Variants in ASMTL observed in about 807,000 individuals in gnomAD.
ASMTL encodes the protein acetylserotonin O-methyltransferase like.
ASMTL carries 57 observed loss-of-function variants against 60.3 expected under a neutral mutation model. The observed-to-expected ratio is 0.95, with a 90% CI of 0.76 to 1.18. The LOEUF (loss-of-function observed/expected upper bound fraction) is 1.18. Among genes scored for constraint, ASMTL ranks in the 50% most tolerant of loss-of-function variants. The pLI is 0.00. For synonymous variants in ASMTL, 419 were observed against 373.0 expected (o/e 1.12, Z -1.42); for missense variants, 981 against 852.6 (o/e 1.15, Z -1.88).
chrX:1,403,612 G>T, intron 12 of ASMTL, 123 bp from the exon 13 acceptor site: 1 of 827,120 alleles, frequency 1.2e-6, no homozygotes, highest in Non-Finnish European at 2.0e-6. Context: ...GAGAACCCTT[G>T]GCCAGGGGGC....
intron 11 of ASMTL, among the ~76,000 whole-genome samples, chrX:1,415,017 G>A (rs1251092124): frequency 2.6e-5 from 4 of 151,030 alleles, no homozygotes; most frequent in East Asian, 3.9e-4. Context: ...CTCGGCTCAC[G>A]GCAAGCTCCG....
At chrX:1,439,407 G>A (rs752641751) in intron 2 of ASMTL, among the ~76,000 whole-genome samples, 13 of 152,302 alleles carry the variant, frequency 8.5e-5, no homozygotes, top group African/African-American at 2.6e-4. Context: ...AGCATCTCAC[G>A]GGCACTACGG....
In ASMTL at chrX:1,403,591, C is replaced by CAGAGG. The variant is rs1454202730; in HGVS notation, c.1646-107_1646-103dup. The CAGAGG allele has an allele frequency of 2.2e-4, 246 of 1,106,820 alleles. 2 individuals are homozygous for CAGAGG. The highest frequency in any genetic ancestry group is 1.9e-3 in the South Asian group (146 of 77,260). 68.6% of individuals were successfully genotyped at this position (1,106,820 alleles called of 1,614,324 possible). ...GGCAACAGGAGCTCAGAACGGTGAG[C>CAGAGG]AGAGGCTGCTGAGAACCCTTGGCCA... On this transcript the variant is annotated intron_variant, in intron 12 of 12. Transcript: ENST00000381317.
At chrX:1,418,789 G>A (rs772504807) in intron 10 of ASMTL, 193 bp downstream of exon 10, 1 of 224,128 alleles carries the variant, frequency 4.5e-6, no homozygotes, top group Non-Finnish European at 7.5e-6. Context: ...TTCTAGGGGG[G>A]CATTTAGGCA....
At chrX:1,432,800 G>C (rs1353714918) in intron 5 of ASMTL, among the ~76,000 whole-genome samples, 15 of 152,232 alleles carry the variant, frequency 9.9e-5, no homozygotes, top group Non-Finnish European at 1.5e-4. Context: ...CTGCATTCCA[G>C]CCTGGGCCAC....
At chrX:1,434,950 C>G in intron 5 of ASMTL, 72 bp downstream of exon 5, 1 of 1,568,180 alleles carries the variant, frequency 6.4e-7, no homozygotes, top group Non-Finnish European at 8.8e-7. Context: ...TCCCTCAAGC[C>G]AAGGGTCCCG....
At chrX:1,418,478 T>C (rs2090380065) in intron 10 of ASMTL, among the ~76,000 whole-genome samples, 1 of 151,478 alleles carries the variant, frequency 6.6e-6, no homozygotes, top group Admixed American at 6.6e-5. Flanking sequence ...GGGGCTGTAC[T>C]CCTCCCTTCT....
chrX:1,407,562 A>C (rs1448818406), intron 12 of ASMTL, among the ~76,000 whole-genome samples: 16 of 151,944 alleles, frequency 1.1e-4, no homozygotes, highest in African/African-American at 3.9e-4. Flanking sequence ...GATAGATAAT[A>C]AATGATAGAC....
chrX:1,431,679 GAATA>G (rs2090793735), intron 6 of ASMTL, among the ~76,000 whole-genome samples: 1 of 145,910 alleles, frequency 6.9e-6, no homozygotes, highest in Admixed American at 6.9e-5. Flanking sequence ...ATAATTAATA[GAATA>G]TATAATGTGG....
At chrX:1,418,956 A>G in intron 10 of ASMTL, 26 bp downstream of exon 10, 3 of 1,611,078 alleles carry the variant, frequency 1.9e-6, no homozygotes, top group Non-Finnish European at 2.5e-6. Flanking sequence ...GAAAGTAAGG[A>G]GAGCCCTGGC....
intron 12 of ASMTL, among the ~76,000 whole-genome samples, chrX:1,408,092 TCGGGAGGC>T: frequency 6.6e-6 from 1 of 151,126 alleles, no homozygotes; most frequent in East Asian, 1.9e-4. Flanking sequence ...TCCCAAATAC[TCGGGAGGC>T]TGAGGCAGGA....
rs369376141 is a variant in ASMTL at position 1,413,445 on chromosome X, G to A, written c.1523-591C>T. 5.3e-5 allele frequency among the ~76,000 whole-genome samples: 8 copies of A among 152,358 alleles called. No homozygotes were observed. The East Asian group carries it at 1.4e-3, about 26-fold the overall frequency. On this transcript the variant is annotated intron_variant, in intron 11 of 12. Transcript: ENST00000381317. The stretch of plus-strand genomic sequence containing the variant: ...GCGTGTGCCAGGGAGAGTCGGGGCC[G>A]CACTGCCGGTGAGTGGGCAATGGCA...
intron 9 of ASMTL, among the ~76,000 whole-genome samples, chrX:1,420,179 C>T (rs1299010834): frequency 1.3e-5 from 2 of 151,878 alleles, no homozygotes; most frequent in East Asian, 1.9e-4. Flanking sequence ...CTGTCTCCGC[C>T]TCCCTCTGTC....
At chrX:1,441,435 C>T (rs2091104723) in intron 2 of ASMTL, among the ~76,000 whole-genome samples, 1 of 152,104 alleles carries the variant, frequency 6.6e-6, no homozygotes, top group Non-Finnish European at 1.5e-5. Context: ...CGCCACCACG[C>T]CCAGCTAATT....
rs750566799 is a variant in ASMTL at position 1,405,487 on chromosome X, A to G, written c.1646-1998T>C. Among the ~76,000 whole-genome samples the G allele has an allele frequency of 1.7e-4, 26 of 151,632 alleles. No homozygotes were observed. In the South Asian group the frequency reaches 5.0e-3, roughly 29 times the overall value. On this transcript the variant is annotated intron_variant, in intron 12 of 12. Coordinates refer to ENST00000381317, the MANE Select transcript of ASMTL (RefSeq NM_004192.4). ...GTTAGGTAGGTAGATGAGTGGATAG[A>G]TAGATGGATGCATGCATGAGATGGA...
rs1199340488 is a variant in ASMTL at position 1,438,139 on chromosome X, A to G, written c.273+958T>C. On this transcript the variant is annotated intron_variant, in intron 3 of 12. Coordinates refer to ENST00000381317, the MANE Select transcript of ASMTL (RefSeq NM_004192.4). The stretch of plus-strand genomic sequence containing the variant: ...CCCCGTCTCTACTAAAAATACAAAA[A>G]TCAGCCGGGCGTGGTGGCGGGTGCC... Among the ~76,000 whole-genome samples the G allele has an allele frequency of 6.7e-5, 10 of 149,942 alleles. No homozygotes were observed. The South Asian group carries it at 1.7e-3, about 26-fold the overall frequency.
At chrX:1,438,907 G>T (rs2091039961) in intron 3 of ASMTL, among the ~76,000 whole-genome samples, 190 bp downstream of exon 3, 1 of 152,188 alleles carries the variant, frequency 6.6e-6, no homozygotes, top group Non-Finnish European at 1.5e-5. Flanking sequence ...GATGACAGGG[G>T]TGAGCCACGG....
intron 2 of ASMTL, among the ~76,000 whole-genome samples, chrX:1,439,617 C>T (rs1299456655): frequency 2.0e-5 from 3 of 152,036 alleles, no homozygotes; most frequent in African/African-American, 7.2e-5. Flanking sequence ...GAGGCCGAGG[C>T]GGGCGCATCT....
At chrX:1,410,725 C>T (rs1195517315) in intron 12 of ASMTL, among the ~76,000 whole-genome samples, 7 of 133,590 alleles carry the variant, frequency 5.2e-5, no homozygotes, top group Non-Finnish European at 8.0e-5. Context: ...GAAAAAACTT[C>T]TTAAAAAATT....
Sources: gnomAD v4.1 joint callset for allele counts (sites outside exome capture counted in the v4.1 genomes callset) on GRCh38, gnomAD v4.1.1 for gene constraint, MANE v1.5 for transcripts, NCBI Gene and HGNC (gene_info 2026-07-23, HGNC 2026-07-21) for gene names.